The following TMEM272 variants were observed in gnomAD, a reference collection of about 807,000 sequenced individuals.
TMEM272 encodes long intergenic non-protein coding RNA 282.
Under a neutral mutation model 3.7 loss-of-function variants are expected in TMEM272, and 8 were observed. The ratio of observed to expected loss-of-function variants is 2.17; its 90% CI spans 1.27 to 3.91. The LOEUF (loss-of-function observed/expected upper bound fraction) is 3.91, where lower values mean the gene tolerates loss of function less well. TMEM272 is among the 30% of genes most tolerant of loss of function. TMEM272 has a pLI of 0.00. For synonymous variants in TMEM272, 63 were observed against 39.8 expected (o/e 1.58, Z -2.20); for missense variants, 166 against 91.5 (o/e 1.81, Z -3.32).
the TMEM272 span, among the ~76,000 whole-genome samples, chr13:51,856,755 G>A: frequency 5.3e-5 from 8 of 152,094 alleles, no homozygotes; most frequent in Non-Finnish European, 1.0e-4. Context: ...AATTAACATC[G>A]GGTAGAATTT....
chr13:51,874,406 C>G, the TMEM272 span, among the ~76,000 whole-genome samples: 1 of 152,124 alleles, frequency 6.6e-6, no homozygotes, highest in Non-Finnish European at 1.5e-5. Flanking sequence ...GAGTTTTATC[C>G]TCAGTGCCTA....
upstream of TMEM272, among the ~76,000 whole-genome samples, chr13:51,845,785 T>C (rs1344164322): frequency 6.6e-6 from 1 of 152,256 alleles, no homozygotes; most frequent in Non-Finnish European, 1.5e-5. Context: ...GATTCTTTAT[T>C]GAAATGCAGA....
the TMEM272 span, chr13:51,934,247 G>A: frequency 8.6e-6 from 2 of 233,660 alleles, no homozygotes; most frequent in Non-Finnish European, 1.7e-5. Context: ...GACTATGTAC[G>A]AAGAAAGGAA....
chr13:51,853,268 G>C, the TMEM272 span, among the ~76,000 whole-genome samples: 2 of 152,078 alleles, frequency 1.3e-5, no homozygotes, highest in African/African-American at 4.8e-5. Context: ...AAGTTAGCTG[G>C]GCTTCGTGGC....
At chr13:51,856,829 C>A in the TMEM272 span, among the ~76,000 whole-genome samples, 1 of 152,148 alleles carries the variant, frequency 6.6e-6, no homozygotes, top group African/African-American at 2.4e-5. Flanking sequence ...ACAGAAACAA[C>A]AGAAACCAGA....
the TMEM272 span, chr13:51,908,485 C>T: frequency 1.2e-5 from 18 of 1,524,410 alleles, no homozygotes; most frequent in Non-Finnish European, 1.5e-5. Flanking sequence ...AAAGGAGGTC[C>T]TCTTCTCATG....
At chr13:51,870,526 C>CCTT in the TMEM272 span, among the ~76,000 whole-genome samples, 1 of 9,196 alleles carries the variant, frequency 1.1e-4, no homozygotes, top group Non-Finnish European at 2.0e-4. Context: ...GGCTTCTACT[C>CCTT]CCTCAAGTCC....
chr13:51,910,060 TTAG>T, the TMEM272 span: 2 of 1,280,064 alleles, frequency 1.6e-6, no homozygotes, highest in Non-Finnish European at 2.3e-6. Context: ...TTGGCTTCAG[TTAG>T]TAGTGATTTG....
chr13:51,866,183 C>A, the TMEM272 span: 2 of 989,432 alleles, frequency 2.0e-6, no homozygotes, highest in Non-Finnish European at 2.9e-6. Flanking sequence ...CATTGGTCTC[C>A]TTGCTTTGAA....
At chr13:51,909,740 T>C in the TMEM272 span, 15 of 1,558,036 alleles carry the variant, frequency 9.6e-6, no homozygotes, top group Non-Finnish European at 1.3e-5. Context: ...CACTGTTCAT[T>C]TCTAATTCCA....
At chr13:51,889,868 T>G in the TMEM272 span, among the ~76,000 whole-genome samples, 2 of 152,334 alleles carry the variant, frequency 1.3e-5, no homozygotes, top group East Asian at 3.9e-4. Flanking sequence ...CTTGAACTTC[T>G]GACCTCAGGT....
chr13:51,847,682 A>G (rs1956313505), upstream of TMEM272, among the ~76,000 whole-genome samples: 1 of 152,172 alleles, frequency 6.6e-6, no homozygotes, highest in Non-Finnish European at 1.5e-5. Context: ...GTGAGCAGTG[A>G]GGTCAGAGTC....
chr13:51,872,177 T>C, the TMEM272 span, among the ~76,000 whole-genome samples: 1 of 152,136 alleles, frequency 6.6e-6, no homozygotes, highest in African/African-American at 2.4e-5. Context: ...AAGAAGCTTC[T>C]AAAAGATTAT....
the TMEM272 span, among the ~76,000 whole-genome samples, chr13:51,894,973 A>G: frequency 7.2e-5 from 11 of 152,088 alleles, no homozygotes; most frequent in Middle Eastern, 3.4e-3. Context: ...GAGTGGGGAA[A>G]CTAGATCACT....
chr13:51,918,747 C>T, the TMEM272 span, among the ~76,000 whole-genome samples: 1,442 of 152,084 alleles, frequency 9.5e-3, 24 homozygotes, highest in African/African-American at 0.033. Flanking sequence ...ACCTCAGCCT[C>T]CCAAGTAGCT....
the TMEM272 span, chr13:51,866,056 G>C: frequency 6.3e-7 from 1 of 1,588,862 alleles, no homozygotes; most frequent in Non-Finnish European, 8.6e-7. Context: ...AGCGCTTGCT[G>C]GCCTTCTCCC....
chr13:51,869,334 T>A, the TMEM272 span, among the ~76,000 whole-genome samples: 1 of 152,182 alleles, frequency 6.6e-6, no homozygotes, highest in Middle Eastern at 3.2e-3. Context: ...TAAGTTCTTA[T>A]GTGCCAGCAT....
chr13:51,819,132 AG>A (rs1956058244), intron 4 of TMEM272, among the ~76,000 whole-genome samples: 1 of 152,170 alleles, frequency 6.6e-6, no homozygotes. Context: ...TCATCCAGGG[AG>A]GGCTGCCTGG....
chr13:51,824,864 A>G lies in TMEM272; in HGVS notation c.118+1702T>C, dbSNP rs1361902669. On this transcript the variant is annotated intron_variant, in intron 3 of 4. Coordinates refer to ENST00000629372, the MANE Select transcript of TMEM272 (RefSeq NM_001351003.2). Reference sequence around the variant, plus strand: ...GCTACTAAGGAGGCTGAGGCACAAGAATCACTTGAGCCGGGTAGGCAGAGG... The same window carrying G: ...GCTACTAAGGAGGCTGAGGCACAAGGATCACTTGAGCCGGGTAGGCAGAGG... Among the ~76,000 whole-genome samples, 7 of 152,320 alleles carry G rather than the reference A, an allele frequency of 4.6e-5. No homozygotes were observed. In the East Asian group the frequency reaches 1.2e-3, roughly 25 times the overall value.
Sources: allele counts gnomAD v4.1 joint callset (sites outside exome capture counted in the v4.1 genomes callset), GRCh38; gene constraint gnomAD v4.1.1; transcripts MANE v1.5; gene names NCBI Gene and HGNC (gene_info 2026-07-23, HGNC 2026-07-21).